The following ZNF565 variants were observed in gnomAD, a reference collection of about 807,000 sequenced individuals.
The protein encoded by ZNF565 is zinc finger protein 565.
Under a neutral mutation model 39.4 loss-of-function variants are expected in ZNF565, and 27 were observed. The observed-to-expected ratio is 0.69, with a 90% CI of 0.51 to 0.95. The LOEUF (loss-of-function observed/expected upper bound fraction) is 0.95, where lower values mean the gene tolerates loss of function less well. ZNF565 is among the 40% of genes least tolerant of loss of function. ZNF565 has a pLI of 0.00. For synonymous variants in ZNF565, 185 were observed against 216.6 expected, an observed-to-expected ratio of 0.85 and a Z score of 1.28; for missense variants, 524 against 621.1, an observed-to-expected ratio of 0.84 and a Z score of 1.66.
chr19:36,235,601 T>C (rs1490568138), intron 1 of ZNF565: 1 of 152,228 alleles, frequency 6.6e-6, no homozygotes, highest in African/African-American at 2.4e-5. Flanking sequence ...CAGCCATGGT[T>C]CTGGGCACTT....
chr19:36,193,687 C>T (rs1052982726), intron 4 of ZNF565, among the ~76,000 whole-genome samples: 2 of 152,148 alleles, frequency 1.3e-5, no homozygotes, highest in Admixed American at 6.5e-5. Flanking sequence ...GTGATCCGCC[C>T]GCCTTGGCCT....
intron 2 of ZNF565, among the ~76,000 whole-genome samples, chr19:36,201,518 A>C (rs1975965253): frequency 2.0e-5 from 3 of 152,014 alleles, no homozygotes; most frequent in Admixed American, 1.3e-4. Flanking sequence ...TCTGTCTCCC[A>C]GGGTGGAGTG....
In ZNF565 at chr19:36,245,492, A is replaced by G. The variant is rs773472195; in HGVS notation, c.39T>C (p.Ser13=). The stretch of plus-strand genomic sequence containing the variant: ...GGAGGTTACCTGCGTCCAGGCGGTG[A>G]CTTGCGAGGGACCACCTTTCCCAGG... The change falls in exon 1 of 5, where the codon AGT becomes AGC. Residue 13 remains serine, a synonymous_variant. Coordinates refer to the ZNF565 transcript ENST00000355114. The surrounding 1 kb of genome is among the most constrained non-coding windows in gnomAD (Gnocchi z 4.4). The G allele has an allele frequency of 1.1e-4, 76 of 701,840 alleles. No individual in the cohort carries two copies. The highest frequency in any genetic ancestry group is 1.0e-5 in the Non-Finnish European group (4 of 384,748). 43.5% of individuals were successfully genotyped at this position (701,840 alleles called of 1,614,324 possible). A position where few individuals can be genotyped will look rare whatever the true frequency, so the allele number is the denominator to read the frequency against.
chr19:36,213,506 C>G (rs1350720962), intron 1 of ZNF565: 1 of 152,772 alleles, frequency 6.5e-6, no homozygotes, highest in Non-Finnish European at 1.5e-5. Flanking sequence ...CTGCCTCAGC[C>G]CCCTGAGCAG....
chr19:36,194,322 G>C lies in ZNF565; in HGVS notation c.143C>G (p.Ser48Cys). 1 of 1,609,824 alleles carries C rather than the reference G, an allele frequency of 6.2e-7. No homozygotes were observed. The highest frequency in any genetic ancestry group is 1.3e-5 in the African/African-American group (1 of 75,002). ...GGAGACGACATCAGGCTTAGAAATGGAGAGTCCTGTTTACAGGAAAAGAAA... is the reference window on the plus strand; with the variant it reads ...GGAGACGACATCAGGCTTAGAAATGCAGAGTCCTGTTTACAGGAAAAGAAA... ...NFGHLASLGL[S>C]ISKPDVVSLL... Residue 48 changes from serine (S) to cysteine (C), a missense_variant, in exon 4 of 5, where the codon TCC becomes TGC. Coordinates refer to ENST00000304116, the MANE Select transcript of ZNF565 (RefSeq NM_152477.5).
At chr19:36,218,404 T>C (rs899658411), upstream of ZNF565, among the ~76,000 whole-genome samples, 1 of 152,126 alleles carries the variant, frequency 6.6e-6, no homozygotes, top group Admixed American at 6.6e-5. Flanking sequence ...TCAGAAAATA[T>C]TATAGTCCTG....
chr19:36,233,251 T>C (rs1387345725), intron 1 of ZNF565, among the ~76,000 whole-genome samples: 2 of 152,082 alleles, frequency 1.3e-5, no homozygotes, highest in Non-Finnish European at 2.9e-5. Context: ...TGGTGATGCA[T>C]GCCTGTAATC....
intron 1 of ZNF565, among the ~76,000 whole-genome samples, chr19:36,242,755 G>A (rs1360023485): frequency 6.6e-6 from 1 of 152,044 alleles, no homozygotes; most frequent in East Asian, 1.9e-4. Flanking sequence ...AATTAAAATG[G>A]ACAAATAAAT....
upstream of ZNF565, among the ~76,000 whole-genome samples, chr19:36,216,331 A>T (rs1481395242): frequency 6.6e-6 from 1 of 152,142 alleles, no homozygotes; most frequent in African/African-American, 2.4e-5. Flanking sequence ...CGCAAACTTA[A>T]GTGAATGTAT....
chr19:36,223,155 G>A (rs1205714245), intron 1 of ZNF565, among the ~76,000 whole-genome samples: 6 of 151,718 alleles, frequency 4.0e-5, no homozygotes, highest in East Asian at 4.0e-4. Flanking sequence ...GATGGCTCAC[G>A]CCTGTAATCC....
chr19:36,244,063 A>T (rs1977840576), intron 1 of ZNF565, among the ~76,000 whole-genome samples: 1 of 151,980 alleles, frequency 6.6e-6, no homozygotes, highest in Non-Finnish European at 1.5e-5. Context: ...AGCCCCAGTC[A>T]TTAGGCTGCT....
chr19:36,233,807 GA>G (rs1393381329), intron 1 of ZNF565, among the ~76,000 whole-genome samples: 1 of 152,202 alleles, frequency 6.6e-6, no homozygotes, highest in Non-Finnish European at 1.5e-5. Context: ...GCTTTACACG[GA>G]GACATTCCAT....
chr19:36,240,714 C>T (rs963587665), intron 1 of ZNF565, among the ~76,000 whole-genome samples: 1 of 151,942 alleles, frequency 6.6e-6, no homozygotes, highest in Non-Finnish European at 1.5e-5. Context: ...ACTAAAATTA[C>T]AAAAATTAGC....
intron 1 of ZNF565, among the ~76,000 whole-genome samples, chr19:36,243,997 C>T (rs1977839286): frequency 6.6e-6 from 1 of 152,226 alleles, no homozygotes; most frequent in Non-Finnish European, 1.5e-5. Flanking sequence ...CCACCACACC[C>T]AGCCTTCCCT....
At chr19:36,211,300 G>A (rs891620146) in intron 1 of ZNF565, among the ~76,000 whole-genome samples, 3 of 151,724 alleles carry the variant, frequency 2.0e-5, no homozygotes, top group African/African-American at 4.8e-5. Context: ...ATTATTAGCC[G>A]GGCGTGGTGG....
intron 4 of ZNF565, among the ~76,000 whole-genome samples, chr19:36,184,545 G>A (rs960286821): frequency 5.3e-5 from 8 of 151,894 alleles, no homozygotes; most frequent in African/African-American, 1.5e-4. Flanking sequence ...GATTACAGGC[G>A]TGAGCCACCT....
At chr19:36,213,953 A>G (rs1338599483) in intron 1 of ZNF565, among the ~76,000 whole-genome samples, 2 of 152,000 alleles carry the variant, frequency 1.3e-5, no homozygotes, top group Non-Finnish European at 2.9e-5. Context: ...TATAGTCACA[A>G]GCCCCACACA....
chr19:36,193,475 C>T (rs888359432), intron 4 of ZNF565, among the ~76,000 whole-genome samples: 7 of 142,786 alleles, frequency 4.9e-5, no homozygotes, highest in African/African-American at 1.8e-4. Context: ...GAGTCTCGCT[C>T]TGTTGCCCAG....
At chr19:36,227,267 T>G (rs1359607951) in intron 1 of ZNF565, among the ~76,000 whole-genome samples, 2 of 150,868 alleles carry the variant, frequency 1.3e-5, no homozygotes, top group African/African-American at 4.9e-5. Context: ...CGCATGCCTG[T>G]AATCCCAGCT....
Sources: gnomAD v4.1 joint callset for allele counts (sites outside exome capture counted in the v4.1 genomes callset) on GRCh38, gnomAD v4.1.1 for gene constraint, Gnocchi (gnomAD v3.1) non-coding constraint, MANE v1.5 for transcripts, NCBI Gene and HGNC (gene_info 2026-07-23, HGNC 2026-07-21) for gene names.